Variants in TG observed in about 807,000 individuals in gnomAD.
TG encodes the protein thyroglobulin.
TG carries 270 observed loss-of-function variants against 324.7 expected under a neutral mutation model. The observed-to-expected ratio is 0.83, with a 90% CI of 0.75 to 0.92. TG has a LOEUF of 0.92. Among genes scored for constraint, TG ranks in the 40% least tolerant of loss-of-function variants. The pLI, the probability that TG is intolerant of heterozygous loss-of-function variation, is 0.00. For synonymous variants in TG, 1,401 were observed against 1,327.0 expected (o/e 1.06, Z -1.21); for missense variants, 3,591 against 3,456.4 (o/e 1.04, Z -0.98).
intron 41 of TG, among the ~76,000 whole-genome samples, chr8:133,052,213 T>C (rs1840536872): frequency 6.6e-6 from 1 of 152,218 alleles, no homozygotes; most frequent in Non-Finnish European, 1.5e-5. Flanking sequence ...GATTAAATAC[T>C]AGAATCAGTG....
intron 43 of TG, among the ~76,000 whole-genome samples, chr8:133,109,372 C>T (rs572764799): frequency 3.3e-4 from 50 of 152,314 alleles, no homozygotes; most frequent in African/African-American, 1.2e-3. Flanking sequence ...AGTTCAATAG[C>T]TGTTATCCAG....
intron 22 of TG, among the ~76,000 whole-genome samples, chr8:132,927,862 C>T (rs992814909): frequency 1.3e-5 from 2 of 152,156 alleles, no homozygotes; most frequent in African/African-American, 4.8e-5. Context: ...CTGGAGCTTG[C>T]AGTCTCTACA....
chr8:132,893,081 GTA>G (rs1224848288), intron 10 of TG, among the ~76,000 whole-genome samples: 1 of 148,610 alleles, frequency 6.7e-6, no homozygotes, highest in Non-Finnish European at 1.5e-5. Context: ...TGTGGGTGGT[GTA>G]TGTGTGTGGT....
chr8:132,999,728 A>C (rs959628139), intron 35 of TG, among the ~76,000 whole-genome samples: 5 of 152,246 alleles, frequency 3.3e-5, no homozygotes, highest in Non-Finnish European at 7.3e-5. Context: ...GGTGAGGCCT[A>C]CAATATTTAC....
intron 20 of TG, among the ~76,000 whole-genome samples, chr8:132,918,307 G>C (rs1307826383): frequency 1.1e-4 from 17 of 152,128 alleles, no homozygotes; most frequent in Admixed American, 1.1e-3. Flanking sequence ...TGGCCGAAAG[G>C]CTTTTGTTTT....
intron 20 of TG, among the ~76,000 whole-genome samples, chr8:132,917,905 T>A (rs907435931): frequency 2.0e-5 from 3 of 150,366 alleles, no homozygotes; most frequent in Non-Finnish European, 4.4e-5. Flanking sequence ...TTTTTTTTTT[T>A]AATTGCAAAA....
chr8:132,881,571 G>A (rs932324332), intron 5 of TG, among the ~76,000 whole-genome samples: 1 of 152,196 alleles, frequency 6.6e-6, no homozygotes, highest in African/African-American at 2.4e-5. Flanking sequence ...TGCCCTATGA[G>A]ACAAACGCAT....
intron 45 of TG, among the ~76,000 whole-genome samples, chr8:133,121,614 C>A (rs1253480311): frequency 6.6e-6 from 1 of 152,158 alleles, no homozygotes; most frequent in Non-Finnish European, 1.5e-5. Flanking sequence ...AAAAACATAT[C>A]CTTGAGTCTT....
intron 43 of TG, among the ~76,000 whole-genome samples, chr8:133,098,257 T>C (rs1034979530): frequency 6.6e-6 from 1 of 152,238 alleles, no homozygotes; most frequent in Non-Finnish European, 1.5e-5. Flanking sequence ...TAAGAAATAG[T>C]AAGTTTAGTT....
intron 23 of TG, among the ~76,000 whole-genome samples, chr8:132,929,869 A>G (rs1341321800): frequency 6.6e-6 from 1 of 152,106 alleles, no homozygotes; most frequent in Non-Finnish European, 1.5e-5. Flanking sequence ...TTGATTTTAG[A>G]TTTAGGGGGT....
In TG at chr8:132,972,740, C is replaced by A. The variant is rs769763604; in HGVS notation, c.6198C>A (p.Pro2066=). The A allele has an allele frequency of 1.9e-6, 3 of 1,613,900 alleles. No individual in the cohort carries two copies. In the Admixed American group the frequency reaches 5.0e-5, roughly 27 times the overall value. ...ATCCCTTCGGATGGTACCAGAAGCC[C>A]AGTAAGTACCCTTCTCATGACAGCT... The part of the protein sequence containing the change: ...HTYPFGWYQK[P]IAQNNAPSFC... The change falls in exon 34 of 48, where the codon CCC becomes CCA. Residue 2066 remains proline (P), a splice_region_variant and synonymous_variant. Coordinates refer to ENST00000220616, the MANE Select transcript of TG (RefSeq NM_003235.5).
intron 29 of TG, among the ~76,000 whole-genome samples, chr8:132,965,506 G>C (rs1828425393): frequency 1.3e-5 from 2 of 152,182 alleles, no homozygotes; most frequent in South Asian, 4.1e-4. Flanking sequence ...CTGAATGAAT[G>C]GACATTGCAA....
At chr8:132,898,751 C>T (rs1167836163) in intron 13 of TG, 47 bp from the exon 14 acceptor site, 1 of 1,573,822 alleles carries the variant, frequency 6.4e-7, no homozygotes, top group Non-Finnish European at 8.7e-7. Flanking sequence ...CCCTCTTTCT[C>T]TTGGCTCCCA....
chr8:132,967,190 T>TATCCATCCCATCCAACC (rs1828725368), intron 30 of TG, among the ~76,000 whole-genome samples: 1 of 139,456 alleles, frequency 7.2e-6, no homozygotes, highest in Admixed American at 7.2e-5. Context: ...TGTATCCATG[T>TATCCATCCCATCCAACC]ATCCATCCCA....
At chr8:133,048,377 C>T (rs922563668) in intron 41 of TG, among the ~76,000 whole-genome samples, 4 of 152,124 alleles carry the variant, frequency 2.6e-5, no homozygotes, top group South Asian at 2.1e-4. Context: ...TGCACCACCA[C>T]GTCTGGCAAC....
chr8:132,994,855 T>A, intron 35 of TG: 1 of 1,262,092 alleles, frequency 7.9e-7, no homozygotes, highest in Non-Finnish European at 1.0e-6. Flanking sequence ...ATGGAAAGCA[T>A]TGGTTATCTT....
At chr8:132,931,442 A>C (rs1430032850) in intron 23 of TG, among the ~76,000 whole-genome samples, 1 of 152,192 alleles carries the variant, frequency 6.6e-6, no homozygotes, top group Non-Finnish European at 1.5e-5. Flanking sequence ...AAATAAAGCC[A>C]CTGAGTCAAT....
chr8:133,096,943 G>A (rs949724644), intron 43 of TG, among the ~76,000 whole-genome samples: 20 of 152,174 alleles, frequency 1.3e-4, no homozygotes, highest in Admixed American at 2.0e-4. Flanking sequence ...TCCTGCTCTC[G>A]CCAGAAGTTA....
At chr8:132,952,059 C>T (rs933597263) in intron 27 of TG, among the ~76,000 whole-genome samples, 7 of 152,088 alleles carry the variant, frequency 4.6e-5, no homozygotes, top group Non-Finnish European at 7.4e-5. Flanking sequence ...AGTTTAACAA[C>T]GGGATAGATG....
Sources: gnomAD v4.1 joint callset for allele counts (sites outside exome capture counted in the v4.1 genomes callset) on GRCh38, gnomAD v4.1.1 for gene constraint, MANE v1.5 for transcripts, NCBI Gene and HGNC (gene_info 2026-07-23, HGNC 2026-07-21) for gene names.